Variants in ALG9 observed in about 807,000 individuals in gnomAD.
ALG9 encodes the protein ALG9 alpha-1,2-mannosyltransferase.
Under a neutral mutation model 81.8 loss-of-function variants are expected in ALG9, and 55 were observed. That is an observed-to-expected ratio of 0.67 (90% confidence interval 0.54 to 0.84). The LOEUF is 0.84. ALG9 is among the 40% of genes least tolerant of loss of function. The pLI is 0.00. For missense variants in ALG9, 629 were observed against 745.0 expected, an observed-to-expected ratio of 0.84 and a Z score of 1.81; for synonymous variants, 278 against 274.3, an observed-to-expected ratio of 1.01 and a Z score of -0.13.
intron 10 of ALG9, among the ~76,000 whole-genome samples, chr11:111,839,932 G>A (rs1955956502): frequency 6.6e-6 from 1 of 152,092 alleles, no homozygotes; most frequent in Non-Finnish European, 1.5e-5. Context: ...TGGTTACTTA[G>A]GGCTGGTGAG....
chr11:111,776,325 C>T, the ALG9 span, among the ~76,000 whole-genome samples: 6 of 152,166 alleles, frequency 3.9e-5, no homozygotes, highest in Non-Finnish European at 1.5e-5. Flanking sequence ...CATAGTGGTT[C>T]ACGCCTATAA....
At chr11:111,835,478 G>A (rs1221607931) in intron 13 of ALG9, among the ~76,000 whole-genome samples, 1 of 152,146 alleles carries the variant, frequency 6.6e-6, no homozygotes, top group African/African-American at 2.4e-5. Context: ...AGTCTTTACT[G>A]TTCATTTGTT....
chr11:111,838,348 G>A lies in ALG9; in HGVS notation c.1225C>T (p.Arg409Cys), dbSNP rs529057785. Residue 409 changes from arginine (R) to cysteine (C), a missense_variant, in exon 11 of 15, where the codon CGC becomes TGC. Physicochemically the swap from Arg to Cys is radical, Grantham distance 180 (BLOSUM62 -3). Transcript: ENST00000616540. ...KCYHFVFQRY[R>C]LEHYTVTSNW... ...GATGTCACAGTATAGTGCTCCAGGC[G>A]ATATCGTTGAAACACAAAGTGGTAA... 7 of 1,613,670 alleles carry A rather than the reference G, an allele frequency of 4.3e-6. No homozygotes were observed. The highest frequency in any genetic ancestry group is 3.3e-5 in the South Asian group (3 of 91,070).
intron 5 of ALG9, among the ~76,000 whole-genome samples, chr11:111,859,634 A>C (rs1240708399): frequency 1.3e-5 from 2 of 152,202 alleles, no homozygotes; most frequent in African/African-American, 4.8e-5. Context: ...TTCCAGCTGC[A>C]GTGTAGAGGA....
intron 14 of ALG9, among the ~76,000 whole-genome samples, chr11:111,789,391 C>T (rs1010507276): frequency 6.6e-6 from 1 of 151,572 alleles, no homozygotes; most frequent in Non-Finnish European, 1.5e-5. Flanking sequence ...AGCTGGGCTA[C>T]AGGTGTGCCT....
At chr11:111,840,959 C>T (rs955414070) in intron 9 of ALG9, 150 bp from the exon 10 acceptor site, 20 of 912,738 alleles carry the variant, frequency 2.2e-5, no homozygotes, top group Non-Finnish European at 3.0e-5. Context: ...TTCTCCAATG[C>T]CATAAAGGCA....
intron 13 of ALG9, among the ~76,000 whole-genome samples, chr11:111,832,456 T>G (rs1357795337): frequency 2.6e-5 from 4 of 151,952 alleles, no homozygotes; most frequent in Non-Finnish European, 5.9e-5. Flanking sequence ...ATTTTTTTTT[T>G]ATTGTAGAGA....
downstream of ALG9, among the ~76,000 whole-genome samples, chr11:111,781,968 G>A (rs934070775): frequency 2.0e-5 from 3 of 152,158 alleles, no homozygotes; most frequent in South Asian, 2.1e-4. Flanking sequence ...CCTACTGTGC[G>A]TGGTTTTAAC....
At chr11:111,871,159 G>T in intron 1 of ALG9, 193 bp downstream of exon 1, 1 of 1,290,606 alleles carries the variant, frequency 7.7e-7, no homozygotes, top group Non-Finnish European at 9.8e-7. Context: ...GCAGTGGAGG[G>T]ATCTAAGGTG....
chr11:111,847,962 T>C (rs1373786230), intron 8 of ALG9, among the ~76,000 whole-genome samples: 1 of 152,198 alleles, frequency 6.6e-6, no homozygotes, highest in East Asian at 1.9e-4. Flanking sequence ...TGCTCTCTGC[T>C]TTAGTAAGCT....
intron 14 of ALG9, among the ~76,000 whole-genome samples, chr11:111,804,520 G>C (rs1949641535): frequency 6.6e-6 from 1 of 152,158 alleles, no homozygotes; most frequent in Admixed American, 6.5e-5. Flanking sequence ...GAGCCCAGGA[G>C]TTAGAGGTTA....
intron 13 of ALG9, among the ~76,000 whole-genome samples, chr11:111,814,183 G>A (rs1555094629): frequency 6.6e-6 from 1 of 152,126 alleles, no homozygotes; most frequent in African/African-American, 2.4e-5. Flanking sequence ...ATATTAATAA[G>A]AGAGAACAAA....
At chr11:111,861,078 C>A (rs1214259887) in intron 4 of ALG9, among the ~76,000 whole-genome samples, 1 of 152,094 alleles carries the variant, frequency 6.6e-6, no homozygotes, top group Non-Finnish European at 1.5e-5. Flanking sequence ...AGGAAAAGTG[C>A]TTAGGAGAGT....
intron 9 of ALG9, among the ~76,000 whole-genome samples, chr11:111,841,919 C>T (rs146939683): frequency 2.0e-5 from 3 of 152,076 alleles, no homozygotes; most frequent in Non-Finnish European, 4.4e-5. Flanking sequence ...TTTTCTGAGA[C>T]GGAGTCTCTC....
At chr11:111,837,437 T>G (rs782718090) in intron 12 of ALG9, 31 bp downstream of exon 12, 2 of 1,613,130 alleles carry the variant, frequency 1.2e-6, no homozygotes, top group South Asian at 2.2e-5. Flanking sequence ...ACTCCTTCAT[T>G]TAAAACCCTA....
intron 13 of ALG9, among the ~76,000 whole-genome samples, chr11:111,820,664 A>G (rs1473575379): frequency 1.3e-5 from 2 of 152,206 alleles, no homozygotes; most frequent in Admixed American, 1.3e-4. Flanking sequence ...GCCTTTCTCA[A>G]TTCACAGACA....
intron 13 of ALG9, among the ~76,000 whole-genome samples, chr11:111,819,856 T>C (rs1450721421): frequency 1.3e-5 from 2 of 152,212 alleles, no homozygotes; most frequent in South Asian, 2.1e-4. Context: ...GTACCTGGCA[T>C]ATCTCAGGCA....
rs545201515 is a variant in ALG9, at chr11:111,797,356, C to G, written c.1734-10836G>C. Reference sequence around the variant, plus strand: ...CACATAAAGAAGACACATAGGTGTTCTGGCTGACAGCCCCAGCTGAGATCT... The same window carrying G: ...CACATAAAGAAGACACATAGGTGTTGTGGCTGACAGCCCCAGCTGAGATCT... On this transcript the variant is annotated intron_variant, in intron 14 of 14. Transcript: ENST00000616540. Among the ~76,000 whole-genome samples, 130 of 152,354 alleles carry G rather than the reference C, an allele frequency of 8.5e-4. 2 individuals carry two copies. The highest frequency in any genetic ancestry group is 1.4e-3 in the Admixed American group (21 of 15,308).
At chr11:111,804,677 G>A (rs1949665710) in intron 14 of ALG9, among the ~76,000 whole-genome samples, 1 of 152,192 alleles carries the variant, frequency 6.6e-6, no homozygotes, top group African/African-American at 2.4e-5. Flanking sequence ...CACTGAAGAA[G>A]ATACTCAGAT....
Sources: gnomAD v4.1 joint callset for allele counts (sites outside exome capture counted in the v4.1 genomes callset) on GRCh38, gnomAD v4.1.1 for gene constraint, MANE v1.5 for transcripts, NCBI Gene and HGNC (gene_info 2026-07-23, HGNC 2026-07-21) for gene names.